The following PCDH9 variants were observed in gnomAD, a reference collection of about 807,000 sequenced individuals.
The protein encoded by PCDH9 is protocadherin 9.
PCDH9 carries 24 observed loss-of-function variants against 70.6 expected under a neutral mutation model. The observed-to-expected ratio is 0.34, with a 90% CI of 0.25 to 0.48. The LOEUF is 0.48. Among genes scored for constraint, PCDH9 ranks in the 20% least tolerant of loss-of-function variants. The pLI is 0.99. For missense variants in PCDH9, 1,281 were observed against 1,503.6 expected, an observed-to-expected ratio of 0.85 and a Z score of 2.45; for synonymous variants, 562 against 558.5, an observed-to-expected ratio of 1.01 and a Z score of -0.09.
At chr13:67,088,509 G>C (rs768605673) in intron 2 of PCDH9, among the ~76,000 whole-genome samples, 2 of 151,926 alleles carry the variant, frequency 1.3e-5, no homozygotes, top group Non-Finnish European at 2.9e-5. Flanking sequence ...ACCAAAAGTC[G>C]TAAGAAAATC....
intron 4 of PCDH9, among the ~76,000 whole-genome samples, chr13:66,339,243 AAAC>A (rs1232705277): frequency 1.6e-4 from 24 of 151,948 alleles, no homozygotes; most frequent in Non-Finnish European, 3.4e-4. Context: ...AACAACAAAA[AAAC>A]AGTATTACTT....
chr13:67,041,893 G>A (rs1032629692), intron 2 of PCDH9, among the ~76,000 whole-genome samples: 4 of 151,838 alleles, frequency 2.6e-5, no homozygotes, highest in African/African-American at 7.2e-5. Context: ...CATGTTTTCA[G>A]CCCCTTTGCC....
chr13:67,093,379 G>A (rs571946042), intron 2 of PCDH9, among the ~76,000 whole-genome samples: 4 of 151,956 alleles, frequency 2.6e-5, no homozygotes, highest in African/African-American at 4.8e-5. Flanking sequence ...TCTTGAACCC[G>A]GGAGGCAGAG....
At chr13:66,382,438 G>A (rs1956865276) in intron 4 of PCDH9, among the ~76,000 whole-genome samples, 1 of 151,592 alleles carries the variant, frequency 6.6e-6, no homozygotes, top group African/African-American at 2.4e-5. Flanking sequence ...AAAAAAAAGT[G>A]TCCTATTTGA....
intron 4 of PCDH9, among the ~76,000 whole-genome samples, chr13:66,535,662 T>A (rs1273580033): frequency 2.6e-5 from 4 of 152,082 alleles, no homozygotes; most frequent in Non-Finnish European, 2.9e-5. Context: ...CTTTACCAGC[T>A]AGAAAGCAGA....
intron 4 of PCDH9, among the ~76,000 whole-genome samples, chr13:66,543,566 C>CA (rs200986497): frequency 0.23 from 30,683 of 134,596 alleles, 3,494 homozygotes; most frequent in Middle Eastern, 0.39. Flanking sequence ...GACTCCGTTT[C>CA]AAAAAAAAAA....
chr13:66,649,764 G>C (rs1422052721), intron 3 of PCDH9, among the ~76,000 whole-genome samples: 1 of 151,924 alleles, frequency 6.6e-6, no homozygotes, highest in African/African-American at 2.4e-5. Flanking sequence ...CACATTTCAA[G>C]ACATCAATGG....
chr13:66,427,049 G>A (rs1435390731), intron 4 of PCDH9, among the ~76,000 whole-genome samples: 2 of 151,530 alleles, frequency 1.3e-5, no homozygotes, highest in African/African-American at 4.8e-5. Context: ...TAGCTTCAGT[G>A]TCAACCTCAG....
At chr13:66,998,203 G>C (rs970027937) in intron 2 of PCDH9, among the ~76,000 whole-genome samples, 1 of 152,148 alleles carries the variant, frequency 6.6e-6, no homozygotes, top group African/African-American at 2.4e-5. Flanking sequence ...GCCAGGGCCC[G>C]AGGAACAAAT....
chr13:66,647,206 C>G (rs1216262477), intron 3 of PCDH9, among the ~76,000 whole-genome samples: 1 of 152,146 alleles, frequency 6.6e-6, no homozygotes, highest in African/African-American at 2.4e-5. Context: ...TAGTGAGACA[C>G]CAGCCAGGGT....
chr13:66,975,437 C>T lies in PCDH9; in HGVS notation c.3037-71832G>A, dbSNP rs934168575. Reference sequence around the variant, plus strand: ...CTTATGAAGTTATTTAAACTAAAAACCATCCCGCTAGGTAGATAGTTATTA... The same window carrying T: ...CTTATGAAGTTATTTAAACTAAAAATCATCCCGCTAGGTAGATAGTTATTA... On this transcript the variant is annotated intron_variant, in intron 2 of 4. Transcript: ENST00000377865. 5.3e-5 allele frequency among the ~76,000 whole-genome samples: 8 copies of T among 151,966 alleles called. No individual in the cohort carries two copies. In the East Asian group the frequency reaches 1.5e-3, roughly 29 times the overall value.
chr13:66,992,887 TCAAG>T (rs1342293506), intron 2 of PCDH9, among the ~76,000 whole-genome samples: 1 of 142,398 alleles, frequency 7.0e-6, no homozygotes, highest in Non-Finnish European at 1.6e-5. Flanking sequence ...TTGCGTCACT[TCAAG>T]CTCTGACTCC....
At chr13:66,682,643 T>C (rs1210808477) in intron 3 of PCDH9, among the ~76,000 whole-genome samples, 2 of 152,162 alleles carry the variant, frequency 1.3e-5, no homozygotes, top group Non-Finnish European at 2.9e-5. Context: ...TTAATTTGTA[T>C]GGAAATATTA....
In PCDH9 at chr13:67,225,936, C is replaced by A; in HGVS notation, c.2505G>T (p.Leu835=). ...VVIVVIFVTV[L]VRCRHASRFK... Reference sequence around the variant, plus strand: ...ACCTTGATGCATGGCGACAGCGCACCAGAACGGTGACGAAGATCACAACAA... The same window carrying A: ...ACCTTGATGCATGGCGACAGCGCACAAGAACGGTGACGAAGATCACAACAA... Residue 835 remains leucine (L), a synonymous_variant, in exon 2 of 5, where the codon CTG becomes CTT. Transcript: ENST00000377865. 6.2e-7 allele frequency: 1 copy of A among 1,614,060 alleles called. No individual in the cohort carries two copies. Among genetic ancestry groups the A allele is most frequent in the Non-Finnish European group, 8.5e-7 (1 of 1,180,022 alleles).
At chr13:66,805,606 C>A (rs2080397279) in intron 3 of PCDH9, among the ~76,000 whole-genome samples, 1 of 152,128 alleles carries the variant, frequency 6.6e-6, no homozygotes, top group Non-Finnish European at 1.5e-5. Context: ...AGACACCCAA[C>A]CAGGTACTTG....
intron 4 of PCDH9, among the ~76,000 whole-genome samples, chr13:66,354,305 A>T (rs1043551727): frequency 6.6e-6 from 1 of 152,210 alleles, no homozygotes; most frequent in African/African-American, 2.4e-5. Flanking sequence ...CAGAAATAAA[A>T]GTTAAAGGTA....
chr13:66,429,085 A>G (rs1278987571), intron 4 of PCDH9, among the ~76,000 whole-genome samples: 1 of 149,682 alleles, frequency 6.7e-6, no homozygotes, highest in Non-Finnish European at 1.5e-5. Context: ...ACTGACCTGA[A>G]ATAAGAAAGA....
At chr13:67,097,247 C>A (rs772984919) in intron 2 of PCDH9, among the ~76,000 whole-genome samples, 1 of 151,674 alleles carries the variant, frequency 6.6e-6, no homozygotes, top group Non-Finnish European at 1.5e-5. Context: ...TAGAGTGAGA[C>A]CGTGTTTCAA....
intron 2 of PCDH9, among the ~76,000 whole-genome samples, chr13:66,950,879 T>C (rs189018480): frequency 9.2e-5 from 14 of 152,274 alleles, no homozygotes; most frequent in African/African-American, 3.4e-4. Context: ...GGTTTTCCCA[T>C]TGTGTATTTA....
Sources: gnomAD v4.1 joint callset for allele counts (sites outside exome capture counted in the v4.1 genomes callset) on GRCh38, gnomAD v4.1.1 for gene constraint, MANE v1.5 for transcripts, NCBI Gene and HGNC (gene_info 2026-07-23, HGNC 2026-07-21) for gene names.